LRP12: variants seen among roughly 807,000 people sequenced by gnomAD.
LRP12 encodes low-density lipoprotein receptor-related protein 12.
In LRP12, 14 loss-of-function variants were observed where a neutral mutation model predicts 66.0. The ratio of observed to expected loss-of-function variants is 0.21; its 90% CI spans 0.14 to 0.33. LRP12 has a LOEUF of 0.33. LRP12 is among the 10% of genes least tolerant of loss of function. The pLI is 1.00. For synonymous variants in LRP12, 357 were observed against 359.1 expected, an observed-to-expected ratio of 0.99 and a Z score of 0.07; for missense variants, 889 against 1,053.4, an observed-to-expected ratio of 0.84 and a Z score of 2.16.
intron 1 of LRP12, among the ~76,000 whole-genome samples, chr8:104,560,222 T>G (rs1811882931): frequency 6.6e-6 from 1 of 152,056 alleles, no homozygotes; most frequent in South Asian, 2.1e-4. Flanking sequence ...AGGCCCAGGA[T>G]GTTGAGACTA....
intron 2 of LRP12, among the ~76,000 whole-genome samples, chr8:104,530,627 A>T (rs1811311850): frequency 6.6e-6 from 1 of 152,208 alleles, no homozygotes; most frequent in Admixed American, 6.6e-5. Flanking sequence ...GCACACGTAG[A>T]CTAAAACAGG....
At chr8:104,548,005 ATATATAATT>A (rs1461758820) in intron 1 of LRP12, among the ~76,000 whole-genome samples, 1 of 121,960 alleles carries the variant, frequency 8.2e-6, no homozygotes, top group East Asian at 2.2e-4. Flanking sequence ...TTTGTATATA[ATATATAATT>A]GTTATATTTT....
chr8:104,506,095 C>T (rs1348020600), intron 3 of LRP12: 1 of 152,050 alleles, frequency 6.6e-6, no homozygotes, highest in Non-Finnish European at 1.5e-5. Context: ...TTGAAATTAA[C>T]CACTTGATTT....
intron 1 of LRP12, among the ~76,000 whole-genome samples, chr8:104,546,959 A>C (rs189326760): frequency 0.017 from 2,453 of 142,506 alleles, 66 homozygotes; most frequent in African/African-American, 0.061. Flanking sequence ...ATATATAATT[A>C]TATATCATAT....
At chr8:104,512,483 A>G (rs144544546) in intron 2 of LRP12, among the ~76,000 whole-genome samples, 191 of 152,360 alleles carry the variant, frequency 1.3e-3, no homozygotes, top group Non-Finnish European at 2.1e-3. Flanking sequence ...TAAAGAGACT[A>G]ATACAATTTT....
intron 2 of LRP12, among the ~76,000 whole-genome samples, chr8:104,524,735 TTTC>T (rs1444324213): frequency 2.0e-4 from 30 of 152,296 alleles, no homozygotes; most frequent in African/African-American, 7.0e-4. Flanking sequence ...AATGGGTGAT[TTTC>T]TTAATCTTTT....
At chr8:104,580,896 C>T (rs982600097) in intron 1 of LRP12, among the ~76,000 whole-genome samples, 2 of 152,190 alleles carry the variant, frequency 1.3e-5, no homozygotes, top group East Asian at 1.9e-4. Flanking sequence ...GACCTAAAAA[C>T]AGAAATATCA....
At chr8:104,526,196 G>T (rs1811235243) in intron 2 of LRP12, among the ~76,000 whole-genome samples, 1 of 151,614 alleles carries the variant, frequency 6.6e-6, no homozygotes, top group Non-Finnish European at 1.5e-5. Context: ...ACAAACAAAT[G>T]GAAGAACATT....
chr8:104,548,555 T>C (rs1208258354), intron 1 of LRP12, among the ~76,000 whole-genome samples: 1 of 138,526 alleles, frequency 7.2e-6, no homozygotes, highest in Non-Finnish European at 1.5e-5. Flanking sequence ...ATTTTGTATA[T>C]GATATAGAAT....
rs1588481423 is a variant in LRP12 at position 104,495,423 on chromosome 8, A to G, written c.1581-214T>C. 6 of 455,368 alleles carry G rather than the reference A, an allele frequency of 1.3e-5. No homozygotes were observed. In the East Asian group the frequency reaches 2.0e-4, roughly 15 times the overall value. The allele number at this position is 455,368 out of a possible 1,614,324, so 28.2% of individuals were successfully genotyped here. On this transcript the variant is annotated intron_variant, in intron 5 of 6. Coordinates refer to ENST00000276654, the MANE Select transcript of LRP12 (RefSeq NM_013437.5). The stretch of plus-strand genomic sequence containing the variant: ...GTCTGTCTTCATAGGGCTTTATGCT[A>G]GTAGAAGCCTAGATCACTGAGTTTT...
chr8:104,502,207 T>C (rs1002348464), intron 3 of LRP12, among the ~76,000 whole-genome samples: 1 of 152,156 alleles, frequency 6.6e-6, no homozygotes, highest in Admixed American at 6.5e-5. Context: ...ACTTGTAAAG[T>C]ATGACACACA....
At chr8:104,493,876 C>A (rs1436991033) in intron 6 of LRP12, among the ~76,000 whole-genome samples, 1 of 152,196 alleles carries the variant, frequency 6.6e-6, no homozygotes, top group African/African-American at 2.4e-5. Flanking sequence ...CCCTTCTGAA[C>A]TTTGTCCTAT....
At chr8:104,526,328 C>A (rs909194313) in intron 2 of LRP12, among the ~76,000 whole-genome samples, 15 of 152,052 alleles carry the variant, frequency 9.9e-5, no homozygotes, top group Non-Finnish European at 2.2e-4. Flanking sequence ...TTGGAAAAAA[C>A]TATTTTAAAG....
chr8:104,554,419 A>G (rs1811774254), intron 1 of LRP12, among the ~76,000 whole-genome samples: 1 of 152,056 alleles, frequency 6.6e-6, no homozygotes, highest in African/African-American at 2.4e-5. Flanking sequence ...ATAAATAGAT[A>G]GCATAAATAA....
chr8:104,541,543 C>A (rs937393325), intron 1 of LRP12, among the ~76,000 whole-genome samples: 1 of 152,122 alleles, frequency 6.6e-6, no homozygotes, highest in Non-Finnish European at 1.5e-5. Flanking sequence ...TTCAAGTGCA[C>A]AATGGGTGGT....
intron 2 of LRP12, among the ~76,000 whole-genome samples, chr8:104,527,242 A>G (rs1485753621): frequency 2.8e-5 from 4 of 142,720 alleles, no homozygotes; most frequent in African/African-American, 8.6e-5. Context: ...TGGGACTGTA[A>G]ACTAGTTCAA....
intron 1 of LRP12, among the ~76,000 whole-genome samples, chr8:104,544,102 C>A (rs1277711423): frequency 6.6e-6 from 1 of 152,080 alleles, no homozygotes; most frequent in Non-Finnish European, 1.5e-5. Flanking sequence ...AGCAAAACAA[C>A]CTTACTGTTG....
chr8:104,546,698 G>GA (rs918205318), intron 1 of LRP12, among the ~76,000 whole-genome samples: 8 of 150,910 alleles, frequency 5.3e-5, no homozygotes, highest in Non-Finnish European at 8.9e-5. Context: ...GGCTTCTTTT[G>GA]AAAAAAAATT....
chr8:104,588,821 T>C lies in LRP12; in HGVS notation c.77A>G (p.Tyr26Cys). 1 of 1,611,722 alleles carries C rather than the reference T, an allele frequency of 6.2e-7. No individual in the cohort carries two copies. The highest frequency in any genetic ancestry group is 8.5e-7 in the Non-Finnish European group (1 of 1,178,986). ...GGCGCGGGGACGCGGACACTTACCGTACACCCCAGCGAGGAAAAGCAAGAG... is the reference window on the plus strand; with the variant it reads ...GGCGCGGGGACGCGGACACTTACCGCACACCCCAGCGAGGAAAAGCAAGAG... ...ALLLLFLAGV[Y>C]GNGALAEHSE... The change falls in exon 1 of 7, where the codon TAC becomes TGC. Residue 26 changes from tyrosine to cysteine, a missense_variant and splice_region_variant. By Grantham distance (194) the Tyr-to-Cys change is radical (BLOSUM62 -2). Coordinates refer to ENST00000276654, the MANE Select transcript of LRP12 (RefSeq NM_013437.5).
Sources: allele counts gnomAD v4.1 joint callset (sites outside exome capture counted in the v4.1 genomes callset), GRCh38; gene constraint gnomAD v4.1.1; transcripts MANE v1.5; gene names NCBI Gene and HGNC (gene_info 2026-07-23, HGNC 2026-07-21).